Variants in MALT1 observed in about 807,000 individuals in gnomAD.
MALT1 encodes mucosa-associated lymphoid tissue lymphoma translocation protein 1.
In MALT1, 36 loss-of-function variants were observed where a neutral mutation model predicts 85.5. The ratio of observed to expected loss-of-function variants is 0.42; its 90% CI spans 0.32 to 0.56. The LOEUF is 0.56. MALT1 is among the 20% of genes least tolerant of loss of function. The probability of loss-of-function intolerance (pLI) is 0.10; values close to 1 mark genes in which losing one functional copy is unlikely to be tolerated. For missense variants in MALT1, 716 were observed against 981.6 expected, an observed-to-expected ratio of 0.73 and a Z score of 3.62; for synonymous variants, 359 against 361.3, an observed-to-expected ratio of 0.99 and a Z score of 0.07.
At chr18:58,680,936 A>C (rs1402754203) in intron 1 of MALT1, among the ~76,000 whole-genome samples, 2 of 150,582 alleles carry the variant, frequency 1.3e-5, no homozygotes, top group Non-Finnish European at 3.0e-5. Flanking sequence ...TCTCAAAAAA[A>C]AAAAAAAAAA....
chr18:58,705,659 A>C (rs924667069), intron 4 of MALT1, among the ~76,000 whole-genome samples: 2 of 150,268 alleles, frequency 1.3e-5, no homozygotes, highest in Middle Eastern at 3.2e-3. Flanking sequence ...TGAACTCATC[A>C]TTTTTTATGG....
At chr18:58,743,382 A>G (rs1319628971) in intron 14 of MALT1, among the ~76,000 whole-genome samples, 1 of 152,212 alleles carries the variant, frequency 6.6e-6, no homozygotes, top group Non-Finnish European at 1.5e-5. Flanking sequence ...GTCTCAAAAA[A>G]AGAATTTATT....
chr18:58,709,094 TC>T (rs1225334564), intron 4 of MALT1, among the ~76,000 whole-genome samples: 5 of 152,226 alleles, frequency 3.3e-5, no homozygotes, highest in African/African-American at 1.2e-4. Context: ...TATATTCCTC[TC>T]CTTAATTGAC....
chr18:58,712,284 T>A (rs768891153), intron 7 of MALT1, among the ~76,000 whole-genome samples: 2 of 152,096 alleles, frequency 1.3e-5, no homozygotes, highest in Non-Finnish European at 2.9e-5. Context: ...GTGTCCTTTA[T>A]TATATATATA....
In MALT1 at chr18:58,741,853, C is replaced by T; in HGVS notation, c.1604-12C>T. The stretch of plus-strand genomic sequence containing the variant: ...TGGTCTTAAAAATAATATTTATTTT[C>T]ATATCTTTTAGATATGGGTAAGTGT... On this transcript the variant is annotated splice_polypyrimidine_tract_variant and intron_variant, in intron 13 of 16. Coordinates refer to ENST00000649217, the MANE Select transcript of MALT1 (RefSeq NM_006785.4). 6.9e-7 allele frequency: 1 copy of T among 1,448,034 alleles called. No homozygotes were observed. The highest frequency in any genetic ancestry group is 1.9e-4 in the Middle Eastern group (1 of 5,394). 89.7% of individuals were successfully genotyped at this position (1,448,034 alleles called of 1,614,324 possible). A position where few individuals can be genotyped will look rare whatever the true frequency, so the allele number is the denominator to read the frequency against.
chr18:58,708,539 C>T (rs575807926), intron 4 of MALT1, among the ~76,000 whole-genome samples: 4 of 152,130 alleles, frequency 2.6e-5, no homozygotes, highest in Non-Finnish European at 5.9e-5. Context: ...CATTAGGTGG[C>T]ACCAAACATG....
chr18:58,700,561 G>A lies in MALT1; in HGVS notation c.619G>A (p.Asp207Asn). Residue 207 changes from aspartate (D) to asparagine (N), a missense_variant, in exon 4 of 17, where the codon GAT becomes AAT. Physicochemically the swap from Asp to Asn is conservative, Grantham distance 23. Around this residue, in one of 4 missense-constraint regions of MALT1, gnomAD observed 290 missense variants for 380.5 expected, o/e 0.76. Coordinates refer to ENST00000649217, the MANE Select transcript of MALT1 (RefSeq NM_006785.4). ...TFEFSQWSQLDVCDIPESFQR... is the reference protein window; with the variant it reads ...TFEFSQWSQLNVCDIPESFQR... The stretch of plus-strand genomic sequence containing the variant: ...TGAATTCAGCCAGTGGTCACAGCTG[G>A]ATGTTTGCGACATCCCAGAGAGCTT... 6.2e-7 allele frequency: 1 copy of A among 1,609,920 alleles called. No individual in the cohort carries two copies. The highest frequency in any genetic ancestry group is 8.5e-7 in the Non-Finnish European group (1 of 1,178,770).
At chr18:58,687,464 C>T (rs1238732172) in intron 2 of MALT1, among the ~76,000 whole-genome samples, 1 of 152,118 alleles carries the variant, frequency 6.6e-6, no homozygotes. Context: ...ACACATGGAC[C>T]TACTTTGGTT....
At chr18:58,681,143 G>A (rs777690910) in intron 1 of MALT1, 27 bp from the exon 2 acceptor site, 4 of 1,608,584 alleles carry the variant, frequency 2.5e-6, no homozygotes, top group South Asian at 2.2e-5. Flanking sequence ...GAAAGCTGTT[G>A]ACTTGAATTC....
Position 58,709,428 on chromosome 18 carries a change from A to T in MALT1, c.700A>T (p.Thr234Ser). The stretch of plus-strand genomic sequence containing the variant: ...CAAGTTGCAAATCTGTGTTGAACCA[A>T]CTTCCCAAAAGCTGATGCCAGGCAG... Reference protein sequence around the residue: ...ESKLQICVEPTSQKLMPGSTL... With the variant: ...ESKLQICVEPSSQKLMPGSTL... The change falls in exon 5 of 17, where the codon ACT becomes TCT. Residue 234 changes from threonine (T) to serine (S), a missense_variant. Physicochemically the swap from Thr to Ser is moderately conservative, Grantham distance 58. Around this residue, in one of 4 missense-constraint regions of MALT1, gnomAD observed 290 missense variants for 380.5 expected, o/e 0.76. Transcript: ENST00000649217. 1 of 1,611,430 alleles carries T rather than the reference A, an allele frequency of 6.2e-7. No individual in the cohort carries two copies.
intron 2 of MALT1, among the ~76,000 whole-genome samples, chr18:58,690,135 C>T (rs2054474250): frequency 1.3e-5 from 2 of 152,226 alleles, no homozygotes; most frequent in Admixed American, 6.5e-5. Flanking sequence ...GCCATTTTTC[C>T]AATAGCATGT....
intron 2 of MALT1, among the ~76,000 whole-genome samples, chr18:58,689,838 G>C (rs1192913280): frequency 6.6e-6 from 1 of 152,170 alleles, no homozygotes; most frequent in African/African-American, 2.4e-5. Context: ...CGGAGCTTGT[G>C]GGGAGAACCC....
In MALT1 at chr18:58,733,392, T is replaced by C; in HGVS notation, c.1223-5T>C. The C allele has an allele frequency of 6.3e-7, 1 of 1,586,970 alleles. No individual in the cohort carries two copies. Among genetic ancestry groups the C allele is most frequent in the Non-Finnish European group, 8.6e-7 (1 of 1,167,734 alleles). ...CTATCTCTCTCTTATTTTTCCTCTT[T>C]TCAGGGTTATTATATTATGCAGGAC... is the stretch of plus-strand genomic sequence containing the variant. On this transcript the variant is annotated splice_polypyrimidine_tract_variant and splice_region_variant and intron_variant, in intron 10 of 16. Coordinates refer to ENST00000649217, the MANE Select transcript of MALT1 (RefSeq NM_006785.4).
chr18:58,709,615 T>C, intron 5 of MALT1, 59 bp downstream of exon 5: 3 of 1,363,148 alleles, frequency 2.2e-6, no homozygotes, highest in East Asian at 4.8e-5. Context: ...AATGGTACAA[T>C]TGAAATATAA....
rs2055006559 is a variant in MALT1 at position 58,723,056 on chromosome 18, A to G, written c.1027A>G (p.Lys343Glu). 2 of 1,613,312 alleles carry G rather than the reference A, an allele frequency of 1.2e-6. No individual in the cohort carries two copies. Among genetic ancestry groups the G allele is most frequent in the Non-Finnish European group, 1.7e-6 (2 of 1,179,564 alleles). ...TTCTTTTTTTTTCAAAGCGAAGGACAAGGTTGCCCTTTTGATAGGAAATAT... is the reference window on the plus strand; with the variant it reads ...TTCTTTTTTTTTCAAAGCGAAGGACGAGGTTGCCCTTTTGATAGGAAATAT... ...QTTDQPLAKD[K>E]VALLIGNMNY... The change falls in exon 10 of 17, where the codon AAG becomes GAG. Residue 343 changes from lysine to glutamate, a missense_variant. Around this residue, in one of 4 missense-constraint regions of MALT1, gnomAD observed 290 missense variants for 380.5 expected, o/e 0.76. Transcript: ENST00000649217.
intron 1 of MALT1, among the ~76,000 whole-genome samples, chr18:58,677,291 A>G (rs2054255656): frequency 6.6e-6 from 1 of 152,164 alleles, no homozygotes; most frequent in Non-Finnish European, 1.5e-5. Context: ...TTGGGGGGGA[A>G]GGAAAGCCAA....
Position 58,734,342 on chromosome 18 carries a change from C to A in MALT1, c.1436C>A (p.Ala479Glu). 1 of 1,613,588 alleles carries A rather than the reference C, an allele frequency of 6.2e-7. No homozygotes were observed. The highest frequency in any genetic ancestry group is 8.5e-7 in the Non-Finnish European group (1 of 1,179,522). The change falls in exon 12 of 17, where the codon GCA becomes GAA. Residue 479 changes from alanine to glutamate, a missense_variant. Ala to Glu is a moderately radical substitution (Grantham distance 107). This residue lies in a region of MALT1 where 86 missense variants were observed against 212.3 expected (regional missense o/e 0.41). Transcript: ENST00000649217. ...GATGATACCATTCCAATCTTGGATG[C>A]ACTAAAAGTCACCGCCAATATTGTG... ...DYDDTIPILD[A>E]LKVTANIVFG... is the part of the protein sequence containing the mutation.
At chr18:58,696,326 T>C (rs1339040031) in intron 2 of MALT1, 40 bp from the exon 3 acceptor site, 1 of 1,356,290 alleles carries the variant, frequency 7.4e-7, no homozygotes, top group Admixed American at 3.4e-5. Flanking sequence ...AAAATCCCTC[T>C]TGTGACTTTA....
chr18:58,690,756 A>T (rs897470384), intron 2 of MALT1: 2 of 201,832 alleles, frequency 9.9e-6, no homozygotes, highest in Non-Finnish European at 2.2e-5. Context: ...AGGGGTGTCA[A>T]GCAGGCCCTC....
Sources: gnomAD v4.1 joint callset for allele counts (sites outside exome capture counted in the v4.1 genomes callset) on GRCh38, gnomAD v4.1.1 for gene constraint, gnomAD v4.1.1 regional missense constraint, MANE v1.5 for transcripts, NCBI Gene and HGNC (gene_info 2026-07-23, HGNC 2026-07-21) for gene names.